COG4: variants seen among roughly 807,000 people sequenced by gnomAD.
COG4 encodes component of oligomeric golgi complex 4.
COG4 carries 65 observed loss-of-function variants against 95.1 expected under a neutral mutation model. The ratio of observed to expected loss-of-function variants is 0.68; its 90% CI spans 0.56 to 0.84. The LOEUF (loss-of-function observed/expected upper bound fraction) is 0.84. Ranked by LOEUF, COG4 falls within the 40% of genes least tolerant of loss-of-function variation. The pLI, the probability that COG4 is intolerant of heterozygous loss-of-function variation, is 0.00. For synonymous variants in COG4, 421 were observed against 374.8 expected (o/e 1.12, Z -1.42); for missense variants, 1,045 against 989.1 (o/e 1.06, Z -0.76).
intron 8 of COG4, among the ~76,000 whole-genome samples, chr16:70,502,852 G>A (rs756159789): frequency 9.9e-5 from 15 of 152,158 alleles, no homozygotes; most frequent in Non-Finnish European, 2.9e-5. Context: ...TGGATTAATG[G>A]AACAGAACTG....
chr16:70,507,974 G>A (rs2049613671), intron 8 of COG4, among the ~76,000 whole-genome samples: 1 of 151,892 alleles, frequency 6.6e-6, no homozygotes, highest in Non-Finnish European at 1.5e-5. Flanking sequence ...AGGCTGGAGT[G>A]CAGTGGTGCA....
chr16:70,485,930 C>T (rs2049123085), intron 13 of COG4, among the ~76,000 whole-genome samples: 1 of 140,662 alleles, frequency 7.1e-6, no homozygotes, highest in Non-Finnish European at 1.5e-5. Flanking sequence ...GAGTCTTGCT[C>T]TATAACCCAG....
At position 70,482,809 on chromosome 16, in the gene COG4, C is replaced by A. The variant is rs1048764460; in HGVS notation, c.1840G>T (p.Glu614Ter). 32 of 1,613,456 alleles carry A rather than the reference C, an allele frequency of 2.0e-5. No homozygotes were observed. Among genetic ancestry groups the A allele is most frequent in the Non-Finnish European group, 2.7e-5 (32 of 1,179,744 alleles). ...GGCTTGATGGCTGTGCTGTTGAGCTCCGTCAGCCCTTCCTGCACAAGGACA... is the reference window on the plus strand; with the variant it reads ...GGCTTGATGGCTGTGCTGTTGAGCTACGTCAGCCCTTCCTGCACAAGGACA... ...FRDLLQEGLT[E>*]LNSTAIKPQV... Residue 614 changes from glutamate (E) to a stop codon, truncating the protein, a stop_gained, in exon 15 of 19, where the codon GAG becomes TAG. Transcript: ENST00000323786. LOFTEE classifies it high-confidence loss of function.
Position 70,490,192 on chromosome 16 carries a change from T to A in COG4, c.1710+138A>T, listed in dbSNP as rs1292506781. The A allele has an allele frequency of 4.0e-6, 3 of 759,358 alleles. No homozygotes were observed. In the South Asian group the frequency reaches 4.2e-5, roughly 11 times the overall value. 47.0% of individuals were successfully genotyped at this position (759,358 alleles called of 1,614,324 possible). The stretch of plus-strand genomic sequence containing the variant: ...CTGGTCCAAGGATGCCTTGCTATCA[T>A]GTCAGTCACCAAAGAATCCCCTCAA... On this transcript the variant is annotated intron_variant, in intron 13 of 18. Coordinates refer to ENST00000323786, the MANE Select transcript of COG4 (RefSeq NM_015386.3).
At chr16:70,481,257 G>T (rs956543056) in intron 18 of COG4, 102 bp downstream of exon 18, 44 of 1,607,498 alleles carry the variant, frequency 2.7e-5, no homozygotes, top group Non-Finnish European at 3.5e-5. Context: ...GTGTCCTATA[G>T]AGCTGGCTGC....
chr16:70,512,179 T>A, intron 5 of COG4, 60 bp downstream of exon 5: 1 of 1,488,352 alleles, frequency 6.7e-7, no homozygotes, highest in South Asian at 1.1e-5. Flanking sequence ...ATCCATCCAG[T>A]GCCCCAATCT....
chr16:70,496,471 A>G (rs746167747), intron 11 of COG4, 40 bp from the exon 12 acceptor site: 1 of 1,609,076 alleles, frequency 6.2e-7, no homozygotes, highest in South Asian at 1.1e-5. Context: ...ACAGTGCTCA[A>G]CTTGGCCACC....
intron 3 of COG4, among the ~76,000 whole-genome samples, chr16:70,517,244 C>T (rs2049840486): frequency 6.6e-6 from 1 of 151,994 alleles, no homozygotes; most frequent in African/African-American, 2.4e-5. Context: ...AGTAAAGAAG[C>T]TATTGGCCAG....
At position 70,496,385 on chromosome 16, in the gene COG4, A is replaced by G; in HGVS notation, c.1528T>C (p.Phe510Leu). The part of the protein sequence containing the change: ...KLRMGFPATT[F>L]QDIQRGVTSA... ...GTCACCCCGCGCTGGATGTCCTGGA[A>G]GGTGGTGGCAGGAAAGCCCATCCGC... is the stretch of plus-strand genomic sequence containing the variant. The change falls in exon 12 of 19, where the codon TTC becomes CTC. Residue 510 changes from phenylalanine to leucine, a missense_variant. Transcript: ENST00000323786. The G allele has an allele frequency of 6.2e-7, 1 of 1,614,142 alleles. No homozygotes were observed. The highest frequency in any genetic ancestry group is 8.5e-7 in the Non-Finnish European group (1 of 1,180,016).
chr16:70,496,902 C>T (rs971814302), intron 11 of COG4, among the ~76,000 whole-genome samples: 8 of 152,232 alleles, frequency 5.3e-5, no homozygotes, highest in Middle Eastern at 3.4e-3. Flanking sequence ...ACCTCAAAAG[C>T]GCAGGAGATT....
At chr16:70,515,222 C>T (rs1254442296) in intron 3 of COG4, among the ~76,000 whole-genome samples, 3 of 151,714 alleles carry the variant, frequency 2.0e-5, no homozygotes, top group African/African-American at 7.3e-5. Flanking sequence ...TGCCATGTTG[C>T]CCAAACCCAG....
Position 70,481,380 on chromosome 16 carries a change from G to A in COG4, c.2214C>T (p.Ala738=). 6.2e-7 allele frequency: 1 copy of A among 1,613,308 alleles called. No individual in the cohort carries two copies. Among genetic ancestry groups the A allele is most frequent in the Non-Finnish European group, 8.5e-7 (1 of 1,179,984 alleles). ...CTACCCGCTCCAGATTGAGGATGGT[G>A]GCCATCTGGGAGAGCCGGGCAAACT... The part of the protein sequence containing the change: ...RDKFARLSQM[A]TILNLERVTE... Residue 738 remains alanine (A), a synonymous_variant, in exon 18 of 19, where the codon GCC becomes GCT. Coordinates refer to ENST00000323786, the MANE Select transcript of COG4 (RefSeq NM_015386.3).
intron 8 of COG4, among the ~76,000 whole-genome samples, chr16:70,502,700 T>C (rs1377722352): frequency 6.6e-6 from 1 of 152,184 alleles, no homozygotes; most frequent in Non-Finnish European, 1.5e-5. Context: ...TAAACTGCCC[T>C]ACACCCATTC....
intron 9 of COG4, among the ~76,000 whole-genome samples, chr16:70,499,618 C>T (rs966720552): frequency 2.6e-5 from 4 of 152,112 alleles, no homozygotes; most frequent in South Asian, 2.1e-4. Flanking sequence ...AAAAACCTAG[C>T]GAGTCAATCT....
chr16:70,486,994 TC>T (rs2151742561), intron 13 of COG4, among the ~76,000 whole-genome samples: 1 of 102,866 alleles, frequency 9.7e-6, no homozygotes, highest in Admixed American at 1.1e-4. Flanking sequence ...AAACTTCATC[TC>T]AAAAAAAAAA....
chr16:70,483,437 C>T (rs1282751408), intron 14 of COG4, among the ~76,000 whole-genome samples: 1 of 151,388 alleles, frequency 6.6e-6, no homozygotes, highest in Non-Finnish European at 1.5e-5. Flanking sequence ...CAGGAACATG[C>T]CCCTTTCCAG....
chr16:70,488,209 C>T (rs1395705054), intron 13 of COG4, among the ~76,000 whole-genome samples: 1 of 152,046 alleles, frequency 6.6e-6, no homozygotes, highest in Non-Finnish European at 1.5e-5. Flanking sequence ...TCTCGACTCA[C>T]TGCAACCTCC....
At chr16:70,498,987 C>A (rs6499318) in intron 9 of COG4, among the ~76,000 whole-genome samples, 2 of 151,968 alleles carry the variant, frequency 1.3e-5, no homozygotes, top group Non-Finnish European at 2.9e-5. Context: ...GGCCAAGGCG[C>A]GAGGATCGCT....
At chr16:70,487,624 T>A (rs746441371) in intron 13 of COG4, among the ~76,000 whole-genome samples, 1 of 152,100 alleles carries the variant, frequency 6.6e-6, no homozygotes, top group Non-Finnish European at 1.5e-5. Context: ...GTTGAACACA[T>A]ACGATGTGAC....
Sources: gnomAD v4.1 joint callset for allele counts (sites outside exome capture counted in the v4.1 genomes callset) on GRCh38, gnomAD v4.1.1 for gene constraint, MANE v1.5 for transcripts, NCBI Gene and HGNC (gene_info 2026-07-23, HGNC 2026-07-21) for gene names.